The following ZNF48 variants were observed in gnomAD, a reference collection of about 807,000 sequenced individuals.
ZNF48 encodes zinc finger protein 48, also known as zinc finger protein 553.
ZNF48 carries 20 observed loss-of-function variants against 40.0 expected under a neutral mutation model. The observed-to-expected ratio is 0.50, with a 90% CI of 0.35 to 0.73. The LOEUF is 0.73. Ranked by LOEUF, ZNF48 falls within the 30% of genes least tolerant of loss-of-function variation. The pLI is 0.01. For missense variants in ZNF48, 726 were observed against 851.9 expected (o/e 0.85, Z 1.84); for synonymous variants, 298 against 329.7 (o/e 0.90, Z 1.04).
In ZNF48 at chr16:30,399,174, AAG is replaced by A; in HGVS notation, c.*68_*69del. On this transcript the variant is annotated 3_prime_UTR_variant, in exon 3 of 3. Transcript: ENST00000613509. ...GGGCTCTGCCGCTTAGCAGAGAAGA[AAG>A]GGCCTGGGAGGTGGTGGGAGGGAGA... 1 of 1,449,336 alleles carries A rather than the reference AAG, an allele frequency of 6.9e-7. No homozygotes were observed. Among genetic ancestry groups the A allele is most frequent in the Non-Finnish European group, 9.2e-7 (1 of 1,086,692 alleles). 89.8% of individuals were successfully genotyped at this position (1,449,336 alleles called of 1,614,324 possible).
In ZNF48 at chr16:30,399,848, C is replaced by G. The variant is rs1359979012; in HGVS notation, c.*741C>G. On this transcript the variant is annotated 3_prime_UTR_variant, in exon 3 of 3. Coordinates refer to ENST00000613509, the MANE Select transcript of ZNF48 (RefSeq NM_001214909.2). ...AGAAGGTGCTCTCATGGTATCCAGC[C>G]TGGATGCCAAGCCCAAGTCCTGGTG... The G allele has an allele frequency of 6.6e-6, 1 of 152,264 alleles. No individual in the cohort carries two copies. Among genetic ancestry groups the G allele is most frequent in the Non-Finnish European group, 1.5e-5 (1 of 68,086 alleles). 9.4% of individuals were successfully genotyped at this position (152,264 alleles called of 1,614,324 possible).
At position 30,379,929 on chromosome 16, in the gene ZNF48, C is replaced by T. The variant is rs769028811; in HGVS notation, c.-16+1519C>T. 6 of 1,484,842 alleles carry T rather than the reference C, an allele frequency of 4.0e-6. No individual in the cohort carries two copies. In the Admixed American group the frequency reaches 8.5e-5, roughly 21 times the overall value. 92.0% of individuals were successfully genotyped at this position (1,484,842 alleles called of 1,614,324 possible). ...GCCTGCCTTCCTTCTTTGTTTCCCA[C>T]ACCTTCATCTCTGCATCCTGCCTCT... is the stretch of plus-strand genomic sequence containing the variant. On this transcript the variant is annotated intron_variant, in intron 1 of 2. Transcript: ENST00000528032.
At position 30,398,606 on chromosome 16, in the gene ZNF48, G is replaced by A. The variant is rs759272483; in HGVS notation, c.1356G>A (p.Lys452=). The change falls in exon 3 of 3, where the codon AAG becomes AAA. Residue 452 remains lysine (K), a synonymous_variant. Transcript: ENST00000613509. This position sits in a 1 kb window ranked among gnomAD's most constrained non-coding sequence, Gnocchi z 6.6. ...PPPLAGDKPH[K]CPECGKGFRR... ...CACTGGCGGGCGACAAGCCCCACAA[G>A]TGCCCTGAGTGTGGCAAGGGCTTCC... 9 of 1,612,388 alleles carry A rather than the reference G, an allele frequency of 5.6e-6. No homozygotes were observed. The highest frequency in any genetic ancestry group is 2.2e-5 in the South Asian group (2 of 91,060).
intron 1 of ZNF48, among the ~76,000 whole-genome samples, chr16:30,383,585 G>C (rs145191632): frequency 6.6e-6 from 1 of 152,316 alleles, no homozygotes; most frequent in South Asian, 2.1e-4. Flanking sequence ...TCAGACAATG[G>C]ATTCATAAAA....
chr16:30,381,960 G>A lies in ZNF48; in HGVS notation c.-16+3550G>A. 3 of 1,605,990 alleles carry A rather than the reference G, an allele frequency of 1.9e-6. No individual in the cohort carries two copies. Among genetic ancestry groups the A allele is most frequent in the Non-Finnish European group, 2.6e-6 (3 of 1,175,152 alleles). ...AATTTCCTTTGTCAATATCACAGTT[G>A]CCTGCACCCATTTCCCAGGGGAGGA... On this transcript the variant is annotated intron_variant, in intron 1 of 2. Transcript: ENST00000528032. The surrounding 1 kb of genome is among the most constrained non-coding windows in gnomAD (Gnocchi z 4.3).
intron 1 of ZNF48, chr16:30,379,996 T>C (rs759279701): frequency 6.2e-7 from 1 of 1,612,526 alleles, no homozygotes; most frequent in Non-Finnish European, 8.5e-7. Context: ...GGGGAACTGG[T>C]AGATGTGGAT....
Position 30,398,081 on chromosome 16 carries a change from C to T in ZNF48, c.831C>T (p.Cys277=), listed in dbSNP as rs1322120060. 2 of 1,613,334 alleles carry T rather than the reference C, an allele frequency of 1.2e-6. No individual in the cohort carries two copies. The highest frequency in any genetic ancestry group is 2.7e-5 in the African/African-American group (2 of 75,052). ...GPKAQDKPYI[C]TDCGKRFVLS... is the part of the protein sequence containing the mutation. ...AGGCCCAGGACAAGCCATATATCTG[C>T]ACTGATTGCGGCAAGAGGTTTGTGC... is the stretch of plus-strand genomic sequence containing the variant. Residue 277 remains cysteine (C), a synonymous_variant, in exon 3 of 3, where the codon TGC becomes TGT. Coordinates refer to ENST00000613509, the MANE Select transcript of ZNF48 (RefSeq NM_001214909.2). This position sits in a 1 kb window ranked among gnomAD's most constrained non-coding sequence, Gnocchi z 6.6.
chr16:30,382,738 C>T lies in ZNF48; in HGVS notation c.-16+4328C>T. On this transcript the variant is annotated intron_variant, in intron 1 of 2. Coordinates refer to the ZNF48 transcript ENST00000528032. The surrounding 1 kb of genome is among the most constrained non-coding windows in gnomAD (Gnocchi z 4.8). ...TGCCCATCACCTGTCTACGTACCTT[C>T]AACCCTCCATCCTTCACACATCTGG... The T allele has an allele frequency of 2.0e-6, 3 of 1,536,360 alleles. No homozygotes were observed. The highest frequency in any genetic ancestry group is 2.6e-6 in the Non-Finnish European group (3 of 1,146,752).
chr16:30,379,936 A>G (rs781382505), intron 1 of ZNF48: 2 of 1,519,794 alleles, frequency 1.3e-6, no homozygotes, highest in South Asian at 1.1e-5. Context: ...CCACACCTTC[A>G]TCTCTGCATC....
At chr16:30,395,356 C>A (rs1017512774), upstream of ZNF48, 1 of 451,856 alleles carries the variant, frequency 2.2e-6, no homozygotes, top group Admixed American at 2.4e-5. The surrounding 1 kb of genome is among the most constrained non-coding windows in gnomAD (Gnocchi z 5.9). Flanking sequence ...GCGACCCCCA[C>A]AGGCCCGCAG....
chr16:30,379,239 C>A, intron 1 of ZNF48: 1 of 1,600,618 alleles, frequency 6.2e-7, no homozygotes, highest in Non-Finnish European at 8.5e-7. Flanking sequence ...GTCCAACCCA[C>A]CCGTAAGGGT....
intron 1 of ZNF48, among the ~76,000 whole-genome samples, chr16:30,389,837 T>G (rs2049929217): frequency 1.6e-5 from 2 of 125,888 alleles, no homozygotes; most frequent in Non-Finnish European, 1.7e-5. Context: ...TTTTTTTTTT[T>G]TTTTTTTTTT....
rs1189126618 is a variant in ZNF48 at position 30,382,060 on chromosome 16, G to T, written c.-16+3650G>T. On this transcript the variant is annotated intron_variant, in intron 1 of 2. Coordinates refer to the ZNF48 transcript ENST00000528032. This position sits in a 1 kb window ranked among gnomAD's most constrained non-coding sequence, Gnocchi z 4.8. ...ACTAGGGTGTAACCTGGGGACAGGG[G>T]CTACTGCCTCAAGAGGGTGGGGAGG... 7 of 1,580,502 alleles carry T rather than the reference G, an allele frequency of 4.4e-6. No homozygotes were observed. Among genetic ancestry groups the T allele is most frequent in the African/African-American group, 1.4e-5 (1 of 74,018 alleles).
At chr16:30,378,468 C>A (rs368548834) in intron 1 of ZNF48, 1 of 1,577,014 alleles carries the variant, frequency 6.3e-7, no homozygotes. Flanking sequence ...CTGGGCCTGG[C>A]TCTGCTGCAT....
Position 30,395,731 on chromosome 16 carries a change from GC to G in ZNF48, c.-15-47del. 1 of 1,338,352 alleles carries G rather than the reference GC, an allele frequency of 7.5e-7. No homozygotes were observed. The highest frequency in any genetic ancestry group is 9.7e-7 in the Non-Finnish European group (1 of 1,033,286). The allele number at this position is 1,338,352 out of a possible 1,614,324, so 82.9% of individuals were successfully genotyped here. On this transcript the variant is annotated intron_variant, in intron 1 of 2. Coordinates refer to ENST00000613509, the MANE Select transcript of ZNF48 (RefSeq NM_001214909.2). The surrounding 1 kb of genome is among the most constrained non-coding windows in gnomAD (Gnocchi z 5.9). ...AGAGGGCAGCGGCAGGGCGCCGCGG[GC>G]CACACATGGCTGCGTGACCGCGGGA...
upstream of ZNF48, among the ~76,000 whole-genome samples, chr16:30,390,781 T>C (rs1210593245): frequency 6.6e-6 from 1 of 151,722 alleles, no homozygotes; most frequent in African/African-American, 2.4e-5. Flanking sequence ...CCATCACGCC[T>C]GGCTAATTTT....
chr16:30,390,545 G>T (rs771913767), upstream of ZNF48, among the ~76,000 whole-genome samples: 2 of 148,290 alleles, frequency 1.3e-5, no homozygotes, highest in Non-Finnish European at 3.0e-5. Flanking sequence ...AGTAGCTGGG[G>T]CTACAGGCAC....
intron 1 of ZNF48, chr16:30,379,322 CT>C: frequency 7.0e-7 from 1 of 1,429,006 alleles, no homozygotes. Context: ...CCCCCCTTTC[CT>C]CCTAGGATCC....
At chr16:30,395,011 C>A (rs1046342671), upstream of ZNF48, 1 of 284,792 alleles carries the variant, frequency 3.5e-6, no homozygotes, top group Admixed American at 4.3e-5. This position sits in a 1 kb window ranked among gnomAD's most constrained non-coding sequence, Gnocchi z 5.9. Context: ...TTGTTTCCCA[C>A]GTCTCGGCGC....
Sources: allele counts gnomAD v4.1 joint callset (sites outside exome capture counted in the v4.1 genomes callset), GRCh38; gene constraint gnomAD v4.1.1; non-coding constraint Gnocchi (gnomAD v3.1); transcripts MANE v1.5; gene names NCBI Gene and HGNC (gene_info 2026-07-23, HGNC 2026-07-21).